ABCA1: variants seen among roughly 807,000 people sequenced by gnomAD.
The protein encoded by ABCA1 is ATP binding cassette subfamily A member 1.
In ABCA1, 133 loss-of-function variants were observed where a neutral mutation model predicts 262.5. The ratio of observed to expected loss-of-function variants is 0.51; its 90% CI spans 0.44 to 0.59. The LOEUF is 0.59. ABCA1 is among the 20% of genes least tolerant of loss of function. The pLI, the probability that ABCA1 is intolerant of heterozygous loss-of-function variation, is 0.00. For synonymous variants in ABCA1, 1,022 were observed against 1,043.5 expected (o/e 0.98, Z 0.40); for missense variants, 2,452 against 2,777.5 (o/e 0.88, Z 2.63).
At chr9:104,895,020 T>C (rs1182873418) in intron 2 of ABCA1, among the ~76,000 whole-genome samples, 2 of 152,184 alleles carry the variant, frequency 1.3e-5, no homozygotes, top group African/African-American at 4.8e-5. Flanking sequence ...ATTAATAAAA[T>C]CAGATTTCTC....
chr9:104,894,261 GC>G (rs1353505913), intron 2 of ABCA1, among the ~76,000 whole-genome samples: 2 of 152,128 alleles, frequency 1.3e-5, no homozygotes, highest in Non-Finnish European at 2.9e-5. Flanking sequence ...TATCTCTGCA[GC>G]CCCCATATCT....
chr9:104,857,403 T>G (rs2472382), intron 7 of ABCA1, among the ~76,000 whole-genome samples: 21,679 of 152,124 alleles, frequency 0.14, 1,819 homozygotes, highest in East Asian at 0.33. Context: ...CGGCTATTTT[T>G]TGTATTTTTG....
At position 104,883,127 on chromosome 9, in the gene ABCA1, C is replaced by G. The variant is rs543312335; in HGVS notation, c.333G>C (p.Arg111Ser). 1.6e-5 allele frequency: 26 copies of G among 1,613,594 alleles called. No individual in the cohort carries two copies. Among genetic ancestry groups the G allele is most frequent in the African/African-American group, 4.0e-5 (3 of 74,506 alleles). Reference protein sequence around the residue: ...IVARLFSDARRLLLYSQKDTS... With the variant: ...IVARLFSDARSLLLYSQKDTS... ...TGTCTTTCTGGCTGTATAAAAGAAG[C>G]CTCCGAGCATCTGAGAACAGGCGAG... The change falls in exon 5 of 50, where the codon AGG (arginine) becomes AGC (serine). Residue 111 changes from arginine (R) to serine (S), a missense_variant. By Grantham distance (110) the Arg-to-Ser change is moderately radical. This residue lies in a region of ABCA1 where 1,032 missense variants were observed against 1,089.7 expected (regional missense o/e 0.95). Transcript: ENST00000374736.
chr9:104,889,176 A>C lies in ABCA1; in HGVS notation c.86T>G (p.Val29Gly), dbSNP rs752155736. The C allele has an allele frequency of 6.2e-7, 1 of 1,614,212 alleles. No individual in the cohort carries two copies. Among genetic ancestry groups the C allele is most frequent in the Non-Finnish European group, 8.5e-7 (1 of 1,180,026 alleles). Residue 29 changes from valine (V) to glycine (G), a missense_variant, in exon 3 of 50, where the codon GTG (valine) becomes GGG (glycine). Val to Gly is a moderately radical substitution (Grantham distance 109). Coordinates refer to ENST00000374736, the MANE Select transcript of ABCA1 (RefSeq NM_005502.4). ...RRQTCQLLLEVAWPLFIFLIL... is the reference protein window; with the variant it reads ...RRQTCQLLLEGAWPLFIFLIL... ...CAGGAAGATAAATAGAGGCCAGGCC[A>C]CTTCCAGCAGCAGCTGACACTGAGT...
intron 5 of ABCA1, among the ~76,000 whole-genome samples, chr9:104,876,767 G>C (rs1838201022): frequency 1.3e-5 from 2 of 152,194 alleles, no homozygotes; most frequent in South Asian, 4.1e-4. Context: ...AGATTCACCA[G>C]AGAGGGGGCA....
rs199655961 is a variant in ABCA1, at chr9:104,831,037, C to T, written c.1780G>A (p.Ala594Thr). Residue 594 changes from alanine to threonine, a missense_variant, in exon 14 of 50, where the codon GCC becomes ACC. Ala to Thr is a moderately conservative substitution (Grantham distance 58, BLOSUM62 0). Coordinates refer to ENST00000374736, the MANE Select transcript of ABCA1 (RefSeq NM_005502.4). ...TGCTCCACCACATCCTGCAAGTAGG[C>T]GAAGCCCCCCCAGACGTACCGCATG... ...EDMRYVWGGF[A>T]YLQDVVEQAI... The T allele has an allele frequency of 1.7e-4, 267 of 1,613,456 alleles. No homozygotes were observed. The highest frequency in any genetic ancestry group is 2.2e-4 in the Non-Finnish European group (262 of 1,179,954).
chr9:104,790,846 A>G (rs1325005565), intron 44 of ABCA1, 76 bp downstream of exon 44: 5 of 1,076,848 alleles, frequency 4.6e-6, no homozygotes, highest in Non-Finnish European at 7.1e-6. Context: ...ACTGTAATCA[A>G]AAATAACAAC....
At position 104,837,479 on chromosome 9, in the gene ABCA1, C is replaced by T; in HGVS notation, c.1143G>A (p.Gly381=). 1.2e-6 allele frequency: 2 copies of T among 1,614,050 alleles called. No individual in the cohort carries two copies. The highest frequency in any genetic ancestry group is 1.7e-6 in the Non-Finnish European group (2 of 1,179,972). The stretch of plus-strand genomic sequence containing the variant: ...GAGTGTCAGGTGTATACAGGATCTT[C>T]CCAACGAGCAGCGGCTTCAGAGCTT... ...IWKALKPLLV[G]KILYTPDTPA... Residue 381 remains glycine, a synonymous_variant, in exon 10 of 50, where the codon GGG becomes GGA. Transcript: ENST00000374736.
intron 34 of ABCA1, 109 bp from the exon 35 acceptor site, chr9:104,800,693 C>A (rs1830256927): frequency 2.2e-6 from 2 of 921,304 alleles, no homozygotes; most frequent in Admixed American, 3.5e-5. Flanking sequence ...AGCAATGCCA[C>A]TACCTTGTTC....
chr9:104,816,990 C>T (rs866638622), intron 24 of ABCA1, among the ~76,000 whole-genome samples: 9 of 152,166 alleles, frequency 5.9e-5, no homozygotes, highest in African/African-American at 2.2e-4. Flanking sequence ...GGCTCTCACT[C>T]TTCTTATGTA....
chr9:104,847,373 A>G (rs187757869), intron 7 of ABCA1, among the ~76,000 whole-genome samples: 3 of 152,182 alleles, frequency 2.0e-5, no homozygotes, highest in Admixed American at 1.3e-4. Context: ...CACATATCAC[A>G]GAGTTTTTAT....
intron 5 of ABCA1, among the ~76,000 whole-genome samples, chr9:104,877,168 T>C (rs1838235787): frequency 6.6e-6 from 1 of 152,226 alleles, no homozygotes; most frequent in South Asian, 2.1e-4. Flanking sequence ...CCAAGACTTT[T>C]TGAAGAACTT....
intron 7 of ABCA1, chr9:104,855,324 G>A (rs1223761386): frequency 4.9e-6 from 1 of 203,476 alleles, no homozygotes. Context: ...AGCCTCTTCA[G>A]TAGCTGGGAT....
At chr9:104,909,654 A>ACATACACG (rs770801372) in intron 1 of ABCA1, among the ~76,000 whole-genome samples, 58 of 146,616 alleles carry the variant, frequency 4.0e-4, no homozygotes, top group African/African-American at 1.2e-3. Flanking sequence ...ACACACACAC[A>ACATACACG]TTCACAGGAA....
intron 48 of ABCA1, among the ~76,000 whole-genome samples, chr9:104,785,874 T>C (rs1356638110): frequency 1.3e-5 from 2 of 152,164 alleles, no homozygotes; most frequent in Non-Finnish European, 2.9e-5. Flanking sequence ...ACCCATGAAG[T>C]CTGACAGATG....
At position 104,903,466 on chromosome 9, in the gene ABCA1, C is replaced by T. The variant is rs55673345; in HGVS notation, c.66+148G>A. ...AGCCACATGCCATATCCGGACCACA[C>T]AGTCCTGTGTCCATAAGAGCCAGAT... On this transcript the variant is annotated intron_variant, in intron 2 of 49. Transcript: ENST00000374736. 2.2e-3 allele frequency: 1,864 copies of T among 853,956 alleles called. 22 individuals are homozygous for T. The highest frequency in any genetic ancestry group is 0.021 in the Middle Eastern group (97 of 4,590). 52.9% of individuals were successfully genotyped at this position (853,956 alleles called of 1,614,324 possible).
In ABCA1 at chr9:104,798,608, A is replaced by G. The variant is rs1588227111; in HGVS notation, c.4944-10T>C. ...CACTGATGTGGTCATCCTGGAGAGA[A>G]AAAGCGTGTGAAAATCTGAGGGGTC... On this transcript the variant is annotated splice_polypyrimidine_tract_variant and intron_variant, in intron 36 of 49. Coordinates refer to ENST00000374736, the MANE Select transcript of ABCA1 (RefSeq NM_005502.4). The G allele has an allele frequency of 2.5e-6, 4 of 1,613,530 alleles. No homozygotes were observed. Among genetic ancestry groups the G allele is most frequent in the Non-Finnish European group, 3.4e-6 (4 of 1,179,750 alleles).
intron 1 of ABCA1, among the ~76,000 whole-genome samples, chr9:104,914,845 G>A (rs762869875): frequency 6.6e-6 from 1 of 152,142 alleles, no homozygotes; most frequent in Non-Finnish European, 1.5e-5. Context: ...GTTCAAGCAG[G>A]AGTGCATTTA....
chr9:104,794,530 A>AAC lies in ABCA1; in HGVS notation c.5383-21_5383-20insGT. ...CAGCTTCTAAAAAAAAAAAAAAAAAATGGGAGGGAAGGGAGGGTGAGGGAG... is the reference window on the plus strand; with the variant it reads ...CAGCTTCTAAAAAAAAAAAAAAAAAAACTGGGAGGGAAGGGAGGGTGAGGGAG... On this transcript the variant is annotated intron_variant, in intron 39 of 49. Coordinates refer to ENST00000374736, the MANE Select transcript of ABCA1 (RefSeq NM_005502.4). The AAC allele has an allele frequency of 6.4e-7, 1 of 1,567,700 alleles. No individual in the cohort carries two copies. Among genetic ancestry groups the AAC allele is most frequent in the Non-Finnish European group, 8.7e-7 (1 of 1,149,568 alleles).
Sources: allele counts gnomAD v4.1 joint callset (sites outside exome capture counted in the v4.1 genomes callset), GRCh38; gene constraint gnomAD v4.1.1; regional missense constraint gnomAD v4.1.1; transcripts MANE v1.5; gene names NCBI Gene and HGNC (gene_info 2026-07-23, HGNC 2026-07-21).